Variants in TWSG1 observed in about 807,000 individuals in gnomAD.
TWSG1 encodes the protein twisted gastrulation protein homolog 1.
TWSG1 carries 15 observed loss-of-function variants against 23.0 expected under a neutral mutation model. That is an observed-to-expected ratio of 0.65 (90% confidence interval 0.44 to 1.00). The LOEUF is 1.00. Among genes scored for constraint, TWSG1 ranks in the 50% least tolerant of loss-of-function variants. TWSG1 has a pLI of 0.00. For synonymous variants in TWSG1, 86 were observed against 92.8 expected (o/e 0.93, Z 0.42); for missense variants, 242 against 278.7 (o/e 0.87, Z 0.94).
chr18:9,396,745 A>C, intron 4 of TWSG1, 199 bp downstream of exon 4: 2 of 597,702 alleles, frequency 3.3e-6, no homozygotes, highest in East Asian at 3.0e-5. Context: ...GAAAAAAAAT[A>C]TCTCCAATCC....
At chr18:9,350,419 A>C (rs1397695784) in intron 2 of TWSG1, among the ~76,000 whole-genome samples, 2 of 152,200 alleles carry the variant, frequency 1.3e-5, no homozygotes, top group East Asian at 3.8e-4. Context: ...TCAAACATAC[A>C]TAAAGTAGGA....
chr18:9,387,582 T>C (rs7242488), intron 3 of TWSG1, among the ~76,000 whole-genome samples: 70,880 of 151,456 alleles, frequency 0.47, 16,726 homozygotes, highest in Middle Eastern at 0.59. Flanking sequence ...CTAGTTAAAA[T>C]GGCAAAACTT....
intron 3 of TWSG1, among the ~76,000 whole-genome samples, chr18:9,383,995 G>T (rs1350176997): frequency 1.3e-5 from 2 of 152,154 alleles, no homozygotes; most frequent in Non-Finnish European, 2.9e-5. Context: ...TGTTTTAAAG[G>T]AGCTGGAGTT....
chr18:9,339,266 A>G (rs1043531990), intron 2 of TWSG1, among the ~76,000 whole-genome samples: 6 of 152,156 alleles, frequency 3.9e-5, no homozygotes, highest in African/African-American at 1.4e-4. Flanking sequence ...TATTTAAAAG[A>G]GAAAGCTTTT....
chr18:9,388,933 A>G (rs2040698145), intron 3 of TWSG1, among the ~76,000 whole-genome samples: 1 of 151,676 alleles, frequency 6.6e-6, no homozygotes. Context: ...CTTCAACTCT[A>G]TTTACTAATT....
At chr18:9,375,044 G>A (rs2040623108) in intron 3 of TWSG1, among the ~76,000 whole-genome samples, 1 of 151,940 alleles carries the variant, frequency 6.6e-6, no homozygotes, top group Non-Finnish European at 1.5e-5. Context: ...GCGGACGCCT[G>A]TAGTCTCAGT....
intron 2 of TWSG1, among the ~76,000 whole-genome samples, chr18:9,351,745 A>G (rs556885381): frequency 6.6e-6 from 1 of 151,994 alleles, no homozygotes; most frequent in Admixed American, 6.6e-5. Context: ...CCTGGGTTCA[A>G]GTGATTCTCC....
Position 9,356,771 on chromosome 18 carries a change from C to T in TWSG1, c.124-3201C>T, listed in dbSNP as rs117319754. Among the ~76,000 whole-genome samples, 825 of 152,016 alleles carry T rather than the reference C, an allele frequency of 5.4e-3. 2 individuals are homozygous for T. Among genetic ancestry groups the T allele is most frequent in the South Asian group, 0.018 (86 of 4,814 alleles). The stretch of plus-strand genomic sequence containing the variant: ...TTTAGATTTTTGGATACAGGATGCT[C>T]AACTGGTATAATGCAAATATTACAA... On this transcript the variant is annotated intron_variant, in intron 2 of 4. Coordinates refer to ENST00000262120, the MANE Select transcript of TWSG1 (RefSeq NM_020648.6).
chr18:9,377,198 T>TA (rs1448967233), intron 3 of TWSG1, among the ~76,000 whole-genome samples: 1 of 151,830 alleles, frequency 6.6e-6, no homozygotes, highest in Non-Finnish European at 1.5e-5. Context: ...GGAGCAAAGA[T>TA]AGTCTGTTTT....
chr18:9,368,871 C>T (rs1297819511), intron 3 of TWSG1, among the ~76,000 whole-genome samples: 1 of 152,000 alleles, frequency 6.6e-6, no homozygotes, highest in East Asian at 1.9e-4. Context: ...TCGCTTGAGC[C>T]TGGGAGGTGA....
At chr18:9,356,971 T>A (rs1488953046) in intron 2 of TWSG1, among the ~76,000 whole-genome samples, 60 of 122,242 alleles carry the variant, frequency 4.9e-4, no homozygotes, top group Middle Eastern at 4.6e-3. Flanking sequence ...TTTATAAATC[T>A]AAAAAAAAAA....
intron 3 of TWSG1, among the ~76,000 whole-genome samples, chr18:9,379,887 G>A (rs2040648293): frequency 6.6e-6 from 1 of 152,098 alleles, no homozygotes; most frequent in African/African-American, 2.4e-5. Flanking sequence ...CCATAAACAT[G>A]GTATCACTTT....
chr18:9,344,235 A>T (rs759190081), intron 2 of TWSG1, among the ~76,000 whole-genome samples: 1 of 152,082 alleles, frequency 6.6e-6, no homozygotes, highest in African/African-American at 2.4e-5. Flanking sequence ...TTTCTTTTGT[A>T]TATACCTAGG....
intron 3 of TWSG1, among the ~76,000 whole-genome samples, chr18:9,381,530 G>T (rs909217824): frequency 1.3e-5 from 2 of 151,968 alleles, no homozygotes; most frequent in African/African-American, 4.8e-5. Flanking sequence ...ATTACTTAAG[G>T]TTCAAGTATT....
intron 2 of TWSG1, among the ~76,000 whole-genome samples, chr18:9,352,906 G>A (rs2040508552): frequency 6.6e-6 from 1 of 152,152 alleles, no homozygotes; most frequent in Admixed American, 6.5e-5. Flanking sequence ...TCTGACCAGA[G>A]CATCAGTTGT....
intron 2 of TWSG1, among the ~76,000 whole-genome samples, chr18:9,339,668 C>T (rs979652072): frequency 5.3e-5 from 8 of 151,616 alleles, no homozygotes; most frequent in African/African-American, 7.3e-5. Flanking sequence ...CTGAGCATGG[C>T]GGTGCATGCT....
At chr18:9,352,536 T>C (rs1482211220) in intron 2 of TWSG1, among the ~76,000 whole-genome samples, 1 of 152,196 alleles carries the variant, frequency 6.6e-6, no homozygotes, top group Non-Finnish European at 1.5e-5. Flanking sequence ...GGAACACCAT[T>C]CCTTTTTTAT....
Position 9,337,212 on chromosome 18 carries a change from C to T in TWSG1, c.-18C>T. 1 of 1,608,240 alleles carries T rather than the reference C, an allele frequency of 6.2e-7. No homozygotes were observed. The highest frequency in any genetic ancestry group is 8.5e-7 in the Non-Finnish European group (1 of 1,179,642). On this transcript the variant is annotated 5_prime_UTR_variant, in exon 2 of 5. Coordinates refer to ENST00000262120, the MANE Select transcript of TWSG1 (RefSeq NM_020648.6). ...GTTTAGTTTCCTGGGAGTTACTGAT[C>T]ATCTTCTTTGAAGAAACATGAAGTT...
chr18:9,377,863 C>T (rs1319197776), intron 3 of TWSG1, among the ~76,000 whole-genome samples: 1 of 152,116 alleles, frequency 6.6e-6, no homozygotes, highest in Non-Finnish European at 1.5e-5. Flanking sequence ...GGACTACAGG[C>T]ATGTGCCACC....
Sources: gnomAD v4.1 joint callset for allele counts (sites outside exome capture counted in the v4.1 genomes callset) on GRCh38, gnomAD v4.1.1 for gene constraint, MANE v1.5 for transcripts, NCBI Gene and HGNC (gene_info 2026-07-23, HGNC 2026-07-21) for gene names.